PLXNA4: variants seen among roughly 807,000 people sequenced by gnomAD.
PLXNA4 encodes the protein plexin-A4.
A neutral mutation model predicts 191.8 loss-of-function variants in PLXNA4; 44 were observed. The ratio of observed to expected loss-of-function variants is 0.23; its 90% CI spans 0.18 to 0.29. The LOEUF (loss-of-function observed/expected upper bound fraction) is 0.29, where lower values mean the gene tolerates loss of function less well. Ranked by LOEUF, PLXNA4 falls within the 10% of genes least tolerant of loss-of-function variation. The pLI, the probability that PLXNA4 is intolerant of heterozygous loss-of-function variation, is 1.00. For missense variants in PLXNA4, 1,800 were observed against 2,488.8 expected (o/e 0.72, Z 5.89); for synonymous variants, 1,082 against 1,009.5 (o/e 1.07, Z -1.36).
At position 132,521,911 on chromosome 7, in the gene PLXNA4, C is replaced by T. The variant is rs150284964; in HGVS notation, c.-86-13132G>A. On this transcript the variant is annotated intron_variant, in intron 1 of 31. Transcript: ENST00000321063. ...CATGCCCTCTTCCTTTTTCAGGTGA[C>T]AGGAATACAGAAAGGAGCATGTTGG... Among the ~76,000 whole-genome samples, 734 of 152,262 alleles carry T rather than the reference C, an allele frequency of 4.8e-3. 6 individuals carry two copies. The highest frequency in any genetic ancestry group is 0.017 in the African/African-American group (710 of 41,542).
At chr7:132,415,306 ATGAGAT>A (rs1209545336) in intron 3 of PLXNA4, among the ~76,000 whole-genome samples, 1 of 152,212 alleles carries the variant, frequency 6.6e-6, no homozygotes, top group African/African-American at 2.4e-5. Context: ...GTCTGAAGAA[ATGAGAT>A]TGCAGGTCTG....
In PLXNA4 at chr7:132,180,724, G is replaced by A. The variant is rs745397582; in HGVS notation, c.3501C>T (p.Asn1167=). 1.2e-6 allele frequency: 2 copies of A among 1,613,940 alleles called. No individual in the cohort carries two copies. Among genetic ancestry groups the A allele is most frequent in the East Asian group, 2.2e-5 (1 of 44,902 alleles). The stretch of plus-strand genomic sequence containing the variant: ...TGCCCCCAGCCACAGGCGGGATCAG[G>A]TTCTTGCCCTGTACAAATGGGAAAG... ...PGTPIILKGK[N]LIPPVAGGNV... Residue 1167 remains asparagine (N), a synonymous_variant, in exon 19 of 32, where the codon AAC becomes AAT. Coordinates refer to ENST00000321063, the MANE Select transcript of PLXNA4 (RefSeq NM_020911.2).
In PLXNA4 at chr7:132,240,322, G is replaced by T. The variant is rs979626842; in HGVS notation, c.1604+744C>A. ...AAGAAAAGCCTTCAGCTTTCTGGTT[G>T]TCTGAGCCCTATTCCTGCCCTTTGG... On this transcript the variant is annotated intron_variant, in intron 5 of 31. Coordinates refer to ENST00000321063, the MANE Select transcript of PLXNA4 (RefSeq NM_020911.2). 3.3e-5 allele frequency among the ~76,000 whole-genome samples: 5 copies of T among 152,196 alleles called. No homozygotes were observed. In the East Asian group the frequency reaches 9.6e-4, roughly 29 times the overall value.
At chr7:132,250,736 TAAC>T (rs1368475861) in intron 4 of PLXNA4, among the ~76,000 whole-genome samples, 1 of 152,178 alleles carries the variant, frequency 6.6e-6, no homozygotes, top group Non-Finnish European at 1.5e-5. Context: ...TTCACACAGT[TAAC>T]AAGCTGAGAG....
At chr7:132,201,447 T>G (rs1797430636) in intron 12 of PLXNA4, among the ~76,000 whole-genome samples, 1 of 152,156 alleles carries the variant, frequency 6.6e-6, no homozygotes, top group Non-Finnish European at 1.5e-5. Context: ...CACTGTTAAG[T>G]GATCATATAC....
At chr7:132,543,938 G>A (rs982012405) in intron 1 of PLXNA4, among the ~76,000 whole-genome samples, 5 of 152,222 alleles carry the variant, frequency 3.3e-5, no homozygotes, top group African/African-American at 1.2e-4. Context: ...GGAAGACAGA[G>A]ACAGATGGGA....
chr7:132,471,240 G>A (rs934452439), intron 3 of PLXNA4, among the ~76,000 whole-genome samples: 1 of 152,164 alleles, frequency 6.6e-6, no homozygotes, highest in African/African-American at 2.4e-5. Flanking sequence ...GAGCCAAGCA[G>A]ATATACACCC....
rs114383916 is a variant in PLXNA4 at position 132,334,838 on chromosome 7, C to T, written c.1372-36616G>A. The stretch of plus-strand genomic sequence containing the variant: ...TGCCCAGAACATCGGCATTGAATGG[C>T]GCCATAACAAAAGACTCTCCCCAGG... On this transcript the variant is annotated intron_variant, in intron 3 of 31. Transcript: ENST00000321063. Among the ~76,000 whole-genome samples, 273 of 152,288 alleles carry T rather than the reference C, an allele frequency of 1.8e-3. 4 individuals carry two copies. The highest frequency in any genetic ancestry group is 6.5e-3 in the African/African-American group (270 of 41,560).
chr7:132,503,104 C>A (rs1004850168), intron 2 of PLXNA4, among the ~76,000 whole-genome samples: 1 of 152,196 alleles, frequency 6.6e-6, no homozygotes, highest in African/African-American at 2.4e-5. Context: ...ATGGCTCAAT[C>A]AGTTCCAAAG....
chr7:132,318,698 C>A (rs570796612), intron 3 of PLXNA4, among the ~76,000 whole-genome samples: 2 of 150,064 alleles, frequency 1.3e-5, no homozygotes, highest in East Asian at 1.9e-4. Context: ...TCTTCTCCCC[C>A]ACTCCAATCT....
chr7:132,345,301 T>C (rs1803202940), intron 3 of PLXNA4, among the ~76,000 whole-genome samples: 1 of 152,220 alleles, frequency 6.6e-6, no homozygotes, highest in African/African-American at 2.4e-5. Context: ...TTAATCTCAG[T>C]AAGTTATTAA....
intron 3 of PLXNA4, among the ~76,000 whole-genome samples, chr7:132,412,789 C>T (rs1794512080): frequency 6.6e-6 from 1 of 152,184 alleles, no homozygotes; most frequent in Non-Finnish European, 1.5e-5. Flanking sequence ...TTCCAGAGAG[C>T]TCACTGCTTG....
intron 3 of PLXNA4, among the ~76,000 whole-genome samples, chr7:132,391,034 T>C (rs997504877): frequency 6.6e-6 from 1 of 152,222 alleles, no homozygotes; most frequent in African/African-American, 2.4e-5. Flanking sequence ...GTTTCCCTTT[T>C]GCCCCATCCC....
At chr7:132,446,932 T>C (rs553126727) in intron 3 of PLXNA4, among the ~76,000 whole-genome samples, 1 of 152,218 alleles carries the variant, frequency 6.6e-6, no homozygotes, top group East Asian at 1.9e-4. Flanking sequence ...GGACCTTCCA[T>C]CCTCCCTTCC....
At chr7:132,591,874 G>A (rs2116827529) in intron 2 of PLXNA4, among the ~76,000 whole-genome samples, 1 of 152,202 alleles carries the variant, frequency 6.6e-6, no homozygotes, top group African/African-American at 2.4e-5. Context: ...CCAGAAAACA[G>A]GATTACAGGC....
chr7:132,616,273 A>G (rs907275092), intron 2 of PLXNA4, among the ~76,000 whole-genome samples: 2 of 152,166 alleles, frequency 1.3e-5, no homozygotes, highest in African/African-American at 4.8e-5. Context: ...GAGAAAATGT[A>G]TTCAGCTTCC....
At chr7:132,602,295 T>G (rs748059781) in intron 2 of PLXNA4, among the ~76,000 whole-genome samples, 8 of 152,198 alleles carry the variant, frequency 5.3e-5, no homozygotes, top group East Asian at 3.9e-4. Context: ...CTTCATGAGT[T>G]GTCATTTGGA....
chr7:132,383,907 G>A (rs1805003420), intron 3 of PLXNA4: 2 of 985,392 alleles, frequency 2.0e-6, no homozygotes, highest in African/African-American at 3.5e-5. Context: ...GTTTCACATG[G>A]AACTCCTGGG....
intron 3 of PLXNA4, among the ~76,000 whole-genome samples, chr7:132,311,202 G>GTGTGTGTGTGTGT (rs1554411105): frequency 6.6e-6 from 1 of 151,064 alleles, no homozygotes; most frequent in Non-Finnish European, 1.5e-5. Context: ...GTGCGCGTGT[G>GTGTGTGTGTGTGT]GCCTAAAGGA....
Sources: allele counts gnomAD v4.1 joint callset (sites outside exome capture counted in the v4.1 genomes callset), GRCh38; gene constraint gnomAD v4.1.1; transcripts MANE v1.5; gene names NCBI Gene and HGNC (gene_info 2026-07-23, HGNC 2026-07-21).